The following DENND2B variants were observed in gnomAD, a reference collection of about 807,000 sequenced individuals.
DENND2B encodes the protein DENN domain containing 2B, also known as DENN domain-containing protein 2B.
Under a neutral mutation model 116.0 loss-of-function variants are expected in DENND2B, and 32 were observed. That is an observed-to-expected ratio of 0.28 (90% CI 0.21 to 0.37). The LOEUF (loss-of-function observed/expected upper bound fraction) is 0.37. Among genes scored for constraint, DENND2B ranks in the 10% least tolerant of loss-of-function variants. The pLI is 1.00. For missense variants in DENND2B, 1,276 were observed against 1,477.7 expected (o/e 0.86, Z 2.24); for synonymous variants, 588 against 583.9 (o/e 1.01, Z -0.10).
At chr11:8,809,294 T>C (rs549035399) in intron 1 of DENND2B, 2 of 152,218 alleles carry the variant, frequency 1.3e-5, no homozygotes, top group African/African-American at 2.4e-5. Context: ...GATCCGAAGT[T>C]AATCAGAATG....
chr11:8,854,786 C>T (rs1434286718), intron 3 of DENND2B, among the ~76,000 whole-genome samples: 1 of 152,154 alleles, frequency 6.6e-6, no homozygotes, highest in Non-Finnish European at 1.5e-5. Flanking sequence ...GATCTCGACT[C>T]ACTGCAACCT....
chr11:8,734,041 T>G lies in DENND2B; in HGVS notation c.81-2832A>C, dbSNP rs16938636. Among the ~76,000 whole-genome samples, 1,468 of 152,290 alleles carry G rather than the reference T, an allele frequency of 9.6e-3. 27 individuals are homozygous for G. The highest frequency in any genetic ancestry group is 0.033 in the African/African-American group (1,367 of 41,554). ...GTACCACAGAGGAACCTGCCTGTGC[T>G]GACCTGAAGCCCCATATCACAGAGA... On this transcript the variant is annotated intron_variant, in intron 2 of 19. Coordinates refer to ENST00000313726, the MANE Select transcript of DENND2B (RefSeq NM_213618.2).
At chr11:8,758,655 A>T (rs947023682) in intron 1 of DENND2B, among the ~76,000 whole-genome samples, 3 of 152,218 alleles carry the variant, frequency 2.0e-5, no homozygotes, top group Non-Finnish European at 4.4e-5. Flanking sequence ...CTTCTTTTGA[A>T]AAATGAGAAA....
At chr11:8,803,917 G>C (rs1413297119) in intron 1 of DENND2B, among the ~76,000 whole-genome samples, 2 of 152,314 alleles carry the variant, frequency 1.3e-5, no homozygotes, top group East Asian at 3.9e-4. Flanking sequence ...CAGAGGCCGG[G>C]GTCTGGAGCA....
At chr11:8,756,604 A>G (rs1435367415) in intron 1 of DENND2B, among the ~76,000 whole-genome samples, 1 of 152,230 alleles carries the variant, frequency 6.6e-6, no homozygotes, top group Non-Finnish European at 1.5e-5. Context: ...GGCCAGGTCT[A>G]TCAGGATCAG....
At chr11:8,718,243 C>T (rs1185503747) in intron 4 of DENND2B, 1 of 1,025,970 alleles carries the variant, frequency 9.7e-7, no homozygotes, top group Admixed American at 2.0e-5. Flanking sequence ...CTTTCCTTGG[C>T]TCCCTTCCCT....
chr11:8,715,364 G>A (rs542031963), intron 6 of DENND2B: 10 of 540,674 alleles, frequency 1.8e-5, no homozygotes, highest in South Asian at 1.1e-4. Flanking sequence ...GGGGAACCTC[G>A]GCTAGACTTT....
intron 1 of DENND2B, among the ~76,000 whole-genome samples, chr11:8,775,845 C>T (rs1317950292): frequency 1.3e-5 from 2 of 152,178 alleles, no homozygotes; most frequent in African/African-American, 4.8e-5. Context: ...CCATAGGAGG[C>T]ACTAAATAAA....
rs2039824631 is a variant in DENND2B at position 8,693,758 on chromosome 11, G to A, written c.*338C>T. 3.8e-6 allele frequency: 1 copy of A among 260,910 alleles called. No individual in the cohort carries two copies. Among genetic ancestry groups the A allele is most frequent in the African/African-American group, 2.2e-5 (1 of 44,534 alleles). The allele number at this position is 260,910 out of a possible 1,614,324, so 16.2% of individuals were successfully genotyped here. ...CGAAGGCCTCCAGGGAAGATCAGTG[G>A]TTTGGCTGAGACAGTCAGCTGCACA... On this transcript the variant is annotated 3_prime_UTR_variant, in exon 20 of 20. Coordinates refer to ENST00000313726, the MANE Select transcript of DENND2B (RefSeq NM_213618.2).
chr11:8,807,727 C>G (rs780391989), intron 1 of DENND2B: 1 of 152,210 alleles, frequency 6.6e-6, no homozygotes, highest in Non-Finnish European at 1.5e-5. Flanking sequence ...TGATGGGAGT[C>G]GGGGAACAGC....
chr11:8,871,646 C>T (rs2653565), upstream of DENND2B, among the ~76,000 whole-genome samples: 43,766 of 152,124 alleles, frequency 0.29, 7,135 homozygotes, highest in Middle Eastern at 0.43. Context: ...ACTGCAGCAG[C>T]AGCAGAACTC....
intron 3 of DENND2B, among the ~76,000 whole-genome samples, chr11:8,842,234 C>T (rs2062649808): frequency 1.3e-5 from 2 of 152,080 alleles, no homozygotes; most frequent in South Asian, 4.2e-4. Context: ...TTTTTAAAAA[C>T]AGGGAGCTGG....
intron 4 of DENND2B, among the ~76,000 whole-genome samples, chr11:8,820,896 T>G (rs1274032501): frequency 2.0e-5 from 3 of 151,564 alleles, no homozygotes; most frequent in African/African-American, 7.3e-5. Flanking sequence ...CCAAGGTAGG[T>G]GGATCACTTG....
At chr11:8,892,616 C>T (rs2064048201) in intron 1 of DENND2B, among the ~76,000 whole-genome samples, 1 of 152,206 alleles carries the variant, frequency 6.6e-6, no homozygotes, top group Non-Finnish European at 1.5e-5. Flanking sequence ...ATACTATAAA[C>T]ACCTCTACGC....
chr11:8,804,038 G>A (rs1182902557), intron 1 of DENND2B, among the ~76,000 whole-genome samples: 5 of 152,204 alleles, frequency 3.3e-5, no homozygotes, highest in Non-Finnish European at 4.4e-5. Context: ...CTGGATGGAC[G>A]GGTCTCCCCG....
chr11:8,773,762 C>T (rs2057263964), intron 1 of DENND2B, among the ~76,000 whole-genome samples: 3 of 152,138 alleles, frequency 2.0e-5, no homozygotes, highest in Admixed American at 2.0e-4. Flanking sequence ...GTTCCCCACC[C>T]CCAATGAATT....
At chr11:8,819,398 CA>C (rs941548429) in intron 4 of DENND2B, among the ~76,000 whole-genome samples, 148 of 138,720 alleles carry the variant, frequency 1.1e-3, no homozygotes, top group East Asian at 4.1e-3. Flanking sequence ...GACCTTGTCT[CA>C]AAAAAAAAAA....
At chr11:8,766,772 T>G (rs2055883531) in intron 1 of DENND2B, 1 of 1,055,870 alleles carries the variant, frequency 9.5e-7, no homozygotes, top group African/African-American at 1.6e-5. Flanking sequence ...GACTCAACTT[T>G]TGTCATTTTA....
intron 4 of DENND2B, among the ~76,000 whole-genome samples, chr11:8,821,063 T>C (rs1391517683): frequency 6.6e-6 from 1 of 150,620 alleles, no homozygotes; most frequent in Non-Finnish European, 1.5e-5. Context: ...GAGGTTGCAG[T>C]GAGCTGAGAT....
Sources: gnomAD v4.1 joint callset for allele counts (sites outside exome capture counted in the v4.1 genomes callset) on GRCh38, gnomAD v4.1.1 for gene constraint, MANE v1.5 for transcripts, NCBI Gene and HGNC (gene_info 2026-07-23, HGNC 2026-07-21) for gene names.